The following KHDRBS1 variants were observed in gnomAD, a reference collection of about 807,000 sequenced individuals.
KHDRBS1 encodes KH RNA binding domain containing, signal transduction associated 1.
Under a neutral mutation model 48.4 loss-of-function variants are expected in KHDRBS1, and 7 were observed. The observed-to-expected ratio is 0.14, with a 90% CI of 0.08 to 0.27. KHDRBS1 has a LOEUF of 0.27. Among genes scored for constraint, KHDRBS1 ranks in the 10% least tolerant of loss-of-function variants. KHDRBS1 has a pLI of 1.00. For synonymous variants in KHDRBS1, 241 were observed against 235.8 expected, an observed-to-expected ratio of 1.02 and a Z score of -0.20; for missense variants, 458 against 601.2, an observed-to-expected ratio of 0.76 and a Z score of 2.49.
intron 10 of KHDRBS1, among the ~76,000 whole-genome samples, chr1:32,059,637 T>G (rs1639522178): frequency 6.6e-6 from 1 of 152,126 alleles, no homozygotes; most frequent in Non-Finnish European, 1.5e-5. Context: ...AAGATGCGTC[T>G]CCTCTAGTCC....
chr1:32,019,817 G>A (rs575660316), intron 1 of KHDRBS1, among the ~76,000 whole-genome samples: 2 of 152,170 alleles, frequency 1.3e-5, no homozygotes, highest in Admixed American at 6.5e-5. Context: ...TGTCGCTCAC[G>A]CTGGAGTGCA....
At chr1:32,050,999 C>A (rs1230845114) in intron 10 of KHDRBS1, among the ~76,000 whole-genome samples, 1 of 152,078 alleles carries the variant, frequency 6.6e-6, no homozygotes, top group Non-Finnish European at 1.5e-5. Context: ...CAAGTTCAAG[C>A]AGTTCTCCCT....
At chr1:32,046,214 CTTTTG>C (rs1426345867), downstream of KHDRBS1, among the ~76,000 whole-genome samples, 5 of 142,552 alleles carry the variant, frequency 3.5e-5, no homozygotes, top group South Asian at 2.2e-4. Flanking sequence ...TTTTGGTTTT[CTTTTG>C]TTTTGTTTTT....
chr1:32,048,728 C>G (rs1195506794), downstream of KHDRBS1, among the ~76,000 whole-genome samples: 1 of 152,098 alleles, frequency 6.6e-6, no homozygotes, highest in Non-Finnish European at 1.5e-5. Context: ...ACATACCATA[C>G]TGTTCTCTCA....
chr1:32,058,656 A>G (rs1639509183), intron 10 of KHDRBS1, among the ~76,000 whole-genome samples: 1 of 152,186 alleles, frequency 6.6e-6, no homozygotes, highest in African/African-American at 2.4e-5. Context: ...AGAAAGGTCT[A>G]GCCGAGCATG....
downstream of KHDRBS1, among the ~76,000 whole-genome samples, chr1:32,046,029 C>T (rs554976021): frequency 6.6e-6 from 1 of 152,218 alleles, no homozygotes; most frequent in South Asian, 2.1e-4. Context: ...CCAGTAATAT[C>T]CATATTTTAC....
intron 1 of KHDRBS1, among the ~76,000 whole-genome samples, chr1:32,024,762 G>C (rs373172439): frequency 4.6e-5 from 7 of 152,150 alleles, no homozygotes; most frequent in African/African-American, 1.4e-4. Flanking sequence ...GGATTAATGA[G>C]GTAATAGTTC....
At chr1:32,051,932 A>C (rs894229307) in intron 10 of KHDRBS1, among the ~76,000 whole-genome samples, 1 of 152,226 alleles carries the variant, frequency 6.6e-6, no homozygotes, top group African/African-American at 2.4e-5. Context: ...GTATGACCCT[A>C]CAGAGGCTGC....
At chr1:32,024,666 T>G (rs1323567652) in intron 1 of KHDRBS1, among the ~76,000 whole-genome samples, 1 of 152,012 alleles carries the variant, frequency 6.6e-6, no homozygotes, top group Non-Finnish European at 1.5e-5. Context: ...ACTTTAACAA[T>G]TTTATGACCT....
intron 1 of KHDRBS1, among the ~76,000 whole-genome samples, chr1:32,023,029 CCTCT>C (rs776502087): frequency 1.3e-5 from 2 of 151,656 alleles, no homozygotes; most frequent in African/African-American, 4.8e-5. Context: ...TCTTTTTCGC[CCTCT>C]CTCTTTTTTT....
chr1:32,040,579 T>C (rs1337909533), intron 8 of KHDRBS1, among the ~76,000 whole-genome samples: 1 of 152,218 alleles, frequency 6.6e-6, no homozygotes, highest in Non-Finnish European at 1.5e-5. Context: ...CAAGGCTGCC[T>C]TCCCTGAGGT....
At chr1:32,037,110 G>A (rs1639198839) in intron 5 of KHDRBS1, 67 bp downstream of exon 5, 4 of 1,529,806 alleles carry the variant, frequency 2.6e-6, no homozygotes, top group Non-Finnish European at 3.6e-6. Context: ...TCTTTTAGTG[G>A]TGCTCTTATG....
chr1:32,043,518 G>T lies in KHDRBS1; in HGVS notation c.*894G>T, dbSNP rs955242850. Reference sequence around the variant, plus strand: ...TAATTAAATTTTCAGTATTTAAAAAGACAAAGTATTTTGTCCATTTGAGAT... The same window carrying T: ...TAATTAAATTTTCAGTATTTAAAAATACAAAGTATTTTGTCCATTTGAGAT... On this transcript the variant is annotated 3_prime_UTR_variant, in exon 9 of 9. Transcript: ENST00000327300. The T allele has an allele frequency of 6.6e-6, 1 of 152,596 alleles. No individual in the cohort carries two copies. The highest frequency in any genetic ancestry group is 1.5e-5 in the Non-Finnish European group (1 of 68,018). 9.5% of individuals were successfully genotyped at this position (152,596 alleles called of 1,614,324 possible).
At chr1:32,022,233 G>C (rs991456702) in intron 1 of KHDRBS1, among the ~76,000 whole-genome samples, 2 of 151,834 alleles carry the variant, frequency 1.3e-5, no homozygotes, top group African/African-American at 4.8e-5. Context: ...GGATAGTCTC[G>C]ATCTCCTGCC....
chr1:32,023,884 G>A (rs1222068410), intron 1 of KHDRBS1, among the ~76,000 whole-genome samples: 1 of 152,166 alleles, frequency 6.6e-6, no homozygotes, highest in South Asian at 2.1e-4. Flanking sequence ...ATAAAAGTCA[G>A]CTCTTCCTTG....
At chr1:32,024,411 A>G (rs1474736708) in intron 1 of KHDRBS1, among the ~76,000 whole-genome samples, 1 of 152,074 alleles carries the variant, frequency 6.6e-6, no homozygotes, top group East Asian at 1.9e-4. Context: ...CCTGGGCTCA[A>G]GTGATCGTCC....
intron 1 of KHDRBS1, among the ~76,000 whole-genome samples, chr1:32,020,941 A>C (rs748394146): frequency 4.2e-4 from 64 of 151,582 alleles, no homozygotes; most frequent in Non-Finnish European, 6.9e-4. Context: ...AAGGTGGTGA[A>C]ATCCTAATAA....
At chr1:32,036,783 G>C (rs996510810) in intron 4 of KHDRBS1, 127 bp from the exon 5 acceptor site, 16 of 956,650 alleles carry the variant, frequency 1.7e-5, no homozygotes, top group Non-Finnish European at 2.3e-5. Context: ...TTCAGAGAAG[G>C]AATGACCTGA....
chr1:32,038,598 G>C lies in KHDRBS1; in HGVS notation c.1154G>C (p.Gly385Ala). The change falls in exon 7 of 9, where the codon GGC becomes GCC. Residue 385 changes from glycine to alanine, a missense_variant. By Grantham distance (60) the Gly-to-Ala change is moderately conservative (BLOSUM62 0). Coordinates refer to ENST00000327300, the MANE Select transcript of KHDRBS1 (RefSeq NM_006559.3). ...GAACAAAGTTACGAAGGCTACGAAGGCTATTACAGCCAGAGTCAAGGGTGA... is the reference window on the plus strand; with the variant it reads ...GAACAAAGTTACGAAGGCTACGAAGCCTATTACAGCCAGAGTCAAGGGTGA... ...YAEQSYEGYE[G>A]YYSQSQGDSE... is the part of the protein sequence containing the mutation. 2 of 1,613,994 alleles carry C rather than the reference G, an allele frequency of 1.2e-6. No individual in the cohort carries two copies. The highest frequency in any genetic ancestry group is 1.1e-5 in the South Asian group (1 of 91,078).
Sources: gnomAD v4.1 joint callset for allele counts (sites outside exome capture counted in the v4.1 genomes callset) on GRCh38, gnomAD v4.1.1 for gene constraint, MANE v1.5 for transcripts, NCBI Gene and HGNC (gene_info 2026-07-23, HGNC 2026-07-21) for gene names.